Variants in TONSL observed in about 807,000 individuals in gnomAD.
The protein encoded by TONSL is tonsoku-like protein.
In TONSL, 112 loss-of-function variants were observed where a neutral mutation model predicts 147.1. The observed-to-expected ratio is 0.76, with a 90% CI of 0.65 to 0.89. The LOEUF is 0.89. Among genes scored for constraint, TONSL ranks in the 40% least tolerant of loss-of-function variants. The probability of loss-of-function intolerance (pLI) is 0.00; values close to 1 mark genes in which losing one functional copy is unlikely to be tolerated. For synonymous variants in TONSL, 868 were observed against 801.5 expected (o/e 1.08, Z -1.40); for missense variants, 1,883 against 1,864.6 (o/e 1.01, Z -0.18).
intron 25 of TONSL, 91 bp from the exon 26 acceptor site, chr8:144,429,427 G>A: frequency 8.1e-7 from 1 of 1,229,578 alleles, no homozygotes; most frequent in East Asian, 3.1e-5. Flanking sequence ...ACTCGCTTTC[G>A]CTGAGGGCCC....
chr8:144,438,669 C>T lies in TONSL; in HGVS notation c.1547G>A (p.Arg516Gln), dbSNP rs762814017. The change falls in exon 12 of 26, where the codon CGG becomes CAG. Residue 516 changes from arginine (R) to glutamine (Q), a missense_variant. By Grantham distance (43) the Arg-to-Gln change is conservative (BLOSUM62 1). Transcript: ENST00000409379. ...EDEELQGHLG[R>Q]RKGSKWNRRN... ...TGTCCTCACCTTGCTCCCCTTCCGC[C>T]GGCCCAGGTGGCCCTGAAGCTCCTC... 28 of 1,613,054 alleles carry T rather than the reference C, an allele frequency of 1.7e-5. No individual in the cohort carries two copies. Among genetic ancestry groups the T allele is most frequent in the South Asian group, 3.3e-5 (3 of 91,082 alleles).
chr8:144,442,852 G>A (rs1407225262), intron 4 of TONSL, 46 bp from the exon 5 acceptor site: 1 of 1,580,298 alleles, frequency 6.3e-7, no homozygotes. Context: ...TCCCCACATG[G>A]GGTTTCCAGC....
rs1208015532 is a variant in TONSL, at chr8:144,435,030, T to C, written c.2993A>G (p.Gln998Arg). The change falls in exon 19 of 26, where the codon CAG becomes CGG. Residue 998 changes from glutamine (Q) to arginine (R), a missense_variant. Physicochemically the swap from Gln to Arg is conservative, Grantham distance 43. Transcript: ENST00000409379. ...TCTGCGGCTCACCTCGTCATTGCTC[T>C]GCAGCACATCAGGGATGAGGTCCTG... ...APQDLIPDVL[Q>R]SNDEVLAEVT... The C allele has an allele frequency of 1.2e-6, 2 of 1,612,562 alleles. No individual in the cohort carries two copies. Among genetic ancestry groups the C allele is most frequent in the Middle Eastern group, 1.7e-4 (1 of 6,058 alleles).
chr8:144,442,240 C>T lies in TONSL; in HGVS notation c.750+1G>A. On this transcript the variant is annotated splice_donor_variant, in intron 6 of 25. Coordinates refer to ENST00000409379, the MANE Select transcript of TONSL (RefSeq NM_013432.5). LOFTEE classifies it high-confidence loss of function. ...AGCTCGGAGCCACGCACAGCGGGTA[C>T]CTGTGCAATAACCACGCAGCACTCG... 1 of 1,589,412 alleles carries T rather than the reference C, an allele frequency of 6.3e-7. No homozygotes were observed. The highest frequency in any genetic ancestry group is 8.6e-7 in the Non-Finnish European group (1 of 1,164,566).
rs748155741 is a variant in TONSL at position 144,436,271 on chromosome 8, C to T, written c.2162G>A (p.Gly721Glu). ...CCTGGCCATGGCTGGTGCCGCCTGC[C>T]CTGGGGAGACCCTGACATGGGCCTG... is the stretch of plus-strand genomic sequence containing the variant. ...ASQAHVRVSP[G>E]QAAPAMARPR... The change falls in exon 17 of 26, where the codon GGG becomes GAG. Residue 721 changes from glycine (G) to glutamate (E), a missense_variant. Transcript: ENST00000409379. 7 of 1,517,630 alleles carry T rather than the reference C, an allele frequency of 4.6e-6. No homozygotes were observed. Among genetic ancestry groups the T allele is most frequent in the Non-Finnish European group, 6.1e-6 (7 of 1,138,474 alleles). 94.0% of individuals were successfully genotyped at this position (1,517,630 alleles called of 1,614,324 possible). A position where few individuals can be genotyped will look rare whatever the true frequency, so the allele number is the denominator to read the frequency against.
Position 144,437,035 on chromosome 8 carries a change from C to T in TONSL, c.1718G>A (p.Gly573Glu). The change falls in exon 14 of 26, where the codon GGG becomes GAG. Residue 573 changes from glycine (G) to glutamate (E), a missense_variant. Transcript: ENST00000409379. ...WTPLHEACNYGHLEIVRFLLD... is the reference protein window; with the variant it reads ...WTPLHEACNYEHLEIVRFLLD... ...TTCTGTCCCTTGCTCACCTAGATGCCCGTAGTTGCAGGCCTCGTGCAGAGG... is the reference window on the plus strand; with the variant it reads ...TTCTGTCCCTTGCTCACCTAGATGCTCGTAGTTGCAGGCCTCGTGCAGAGG... 1 of 1,613,372 alleles carries T rather than the reference C, an allele frequency of 6.2e-7. No homozygotes were observed. The highest frequency in any genetic ancestry group is 8.5e-7 in the Non-Finnish European group (1 of 1,179,984).
At chr8:144,444,101 C>A in intron 2 of TONSL, 77 bp from the exon 3 acceptor site, 1 of 1,312,420 alleles carries the variant, frequency 7.6e-7, no homozygotes. Flanking sequence ...GCCGGAAGAG[C>A]CCGTCGCCCC....
At position 144,435,820 on chromosome 8, in the gene TONSL, C is replaced by A. The variant is rs1376730392; in HGVS notation, c.2613G>T (p.Arg871Ser). 4 of 1,612,496 alleles carry A rather than the reference C, an allele frequency of 2.5e-6. No individual in the cohort carries two copies. Among genetic ancestry groups the A allele is most frequent in the African/African-American group, 1.3e-5 (1 of 74,868 alleles). The change falls in exon 17 of 26, where the codon AGG becomes AGT. Residue 871 changes from arginine to serine, a missense_variant. By Grantham distance (110) the Arg-to-Ser change is moderately radical (BLOSUM62 -1). Coordinates refer to ENST00000409379, the MANE Select transcript of TONSL (RefSeq NM_013432.5). ...GGACCTGCTTGGCTCGGGCACGGGGCCTGCTCTCCTCACTGTCCGACCCAG... is the reference window on the plus strand; with the variant it reads ...GGACCTGCTTGGCTCGGGCACGGGGACTGCTCTCCTCACTGTCCGACCCAG... Reference protein sequence around the residue: ...STSGSDSEESRPRARAKQVRL... With the variant: ...STSGSDSEESSPRARAKQVRL...
At chr8:144,437,327 G>A (rs931555074) in intron 13 of TONSL, among the ~76,000 whole-genome samples, 2 of 152,190 alleles carry the variant, frequency 1.3e-5, no homozygotes, top group Non-Finnish European at 2.9e-5. Flanking sequence ...GTGCCTGCCC[G>A]GTCCCCTTGT....
intron 4 of TONSL, 102 bp downstream of exon 4, chr8:144,443,036 G>A: frequency 7.3e-7 from 1 of 1,376,274 alleles, no homozygotes; most frequent in East Asian, 2.5e-5. Flanking sequence ...CAAAGGGAGG[G>A]CTCCAGAAGA....
chr8:144,429,909 C>G lies in TONSL; in HGVS notation c.3943+495G>C, dbSNP rs565235978. 3.3e-5 allele frequency among the ~76,000 whole-genome samples: 5 copies of G among 152,302 alleles called. No individual in the cohort carries two copies. The East Asian group carries it at 5.8e-4, about 18-fold the overall frequency. On this transcript the variant is annotated intron_variant, in intron 25 of 25. Coordinates refer to ENST00000409379, the MANE Select transcript of TONSL (RefSeq NM_013432.5). ...CTGCCCCGGCCCCAGTGGGGCAAGCCAGGTCATCAAAGCCCTTCCTGGGGT... is the reference window on the plus strand; with the variant it reads ...CTGCCCCGGCCCCAGTGGGGCAAGCGAGGTCATCAAAGCCCTTCCTGGGGT...
intron 5 of TONSL, 62 bp from the exon 6 acceptor site, chr8:144,442,474 C>T (rs1023408904): frequency 6.7e-6 from 10 of 1,498,646 alleles, no homozygotes; most frequent in East Asian, 2.3e-5. Flanking sequence ...TGATGCCACA[C>T]GGGCCCCAGC....
chr8:144,434,760 C>T, intron 20 of TONSL, 51 bp downstream of exon 20: 1 of 1,583,340 alleles, frequency 6.3e-7, no homozygotes. Context: ...CCTGTGTGCC[C>T]AACCCCCTTG....
rs116572531 is a variant in TONSL, at chr8:144,444,351, C to T, written c.25+39G>A. Reference sequence around the variant, plus strand: ...GGCCGAGTCCCAAGCCCTCCCCAGCCTCCGCGCCCCCGGAGGAAGGGGTCC... The same window carrying T: ...GGCCGAGTCCCAAGCCCTCCCCAGCTTCCGCGCCCCCGGAGGAAGGGGTCC... On this transcript the variant is annotated intron_variant, in intron 1 of 25. Coordinates refer to ENST00000409379, the MANE Select transcript of TONSL (RefSeq NM_013432.5). 8,834 of 1,290,116 alleles carry T rather than the reference C, an allele frequency of 6.8e-3. 470 individuals are homozygous for T. The African/African-American group carries it at 0.12, about 18-fold the overall frequency. 79.9% of individuals were successfully genotyped at this position (1,290,116 alleles called of 1,614,324 possible).
At position 144,433,725 on chromosome 8, in the gene TONSL, A is replaced by G; in HGVS notation, c.3422T>C (p.Leu1141Pro). 5.0e-6 allele frequency: 8 copies of G among 1,602,446 alleles called. No homozygotes were observed. Among genetic ancestry groups the G allele is most frequent in the Non-Finnish European group, 6.8e-6 (8 of 1,175,084 alleles). ...LEELDLSMNP[L>P]GDGCGQSLAS... is the part of the protein sequence containing the mutation. ...CAGGGACTGGCCACAGCCGTCCCCC[A>G]GGGGGTTCATGCTTAAGTCCAGCTC... The change falls in exon 22 of 26, where the codon CTG (leucine) becomes CCG (proline). Residue 1141 changes from leucine (L) to proline (P), a missense_variant. By Grantham distance (98) the Leu-to-Pro change is moderately conservative. Transcript: ENST00000409379.
intron 25 of TONSL, 67 bp from the exon 26 acceptor site, chr8:144,429,403 G>C: frequency 7.5e-7 from 1 of 1,336,470 alleles, no homozygotes; most frequent in Non-Finnish European, 9.6e-7. Flanking sequence ...CCCGCGGCAG[G>C]CTCCAGGGAA....
chr8:144,437,179 C>A, intron 13 of TONSL, 80 bp from the exon 14 acceptor site: 1 of 1,437,538 alleles, frequency 7.0e-7, no homozygotes. Flanking sequence ...GCAGCCTAAG[C>A]TGAGCCCAGG....
In TONSL at chr8:144,436,613, C is replaced by T. The variant is rs753823956; in HGVS notation, c.1959G>A (p.Thr653=). Reference sequence around the variant, plus strand: ...TCTCCATGGCCCTGGCCTTCTGCCGCGTCTCCAGGTCCAGGTCCCTGCGGT... The same window carrying T: ...TCTCCATGGCCCTGGCCTTCTGCCGTGTCTCCAGGTCCAGGTCCCTGCGGT... ...KLYRRDLDLE[T]RQKARAMEML... is the part of the protein sequence containing the mutation. Residue 653 remains threonine (T), a synonymous_variant, in exon 16 of 26, where the codon ACG becomes ACA. Transcript: ENST00000409379. The T allele has an allele frequency of 6.8e-6, 11 of 1,611,834 alleles. No homozygotes were observed. Among genetic ancestry groups the T allele is most frequent in the East Asian group, 2.2e-5 (1 of 44,886 alleles).
At chr8:144,431,909 A>T (rs1314444616) in intron 23 of TONSL, among the ~76,000 whole-genome samples, 1 of 148,194 alleles carries the variant, frequency 6.7e-6, no homozygotes, top group East Asian at 2.0e-4. Flanking sequence ...GCTCACTGCA[A>T]CCTCTGCCTC....
Sources: gnomAD v4.1 joint callset for allele counts (sites outside exome capture counted in the v4.1 genomes callset) on GRCh38, gnomAD v4.1.1 for gene constraint, MANE v1.5 for transcripts, NCBI Gene and HGNC (gene_info 2026-07-23, HGNC 2026-07-21) for gene names.